Variants in RALYL observed in about 807,000 individuals in gnomAD.
RALYL encodes the protein RALY RNA binding protein like, also known as RNA-binding Raly-like protein.
In RALYL, 29 loss-of-function variants were observed where a neutral mutation model predicts 35.1. The observed-to-expected ratio is 0.83, with a 90% CI of 0.61 to 1.13. The LOEUF is 1.13. RALYL is among the 50% of genes most tolerant of loss of function. The probability of loss-of-function intolerance (pLI) is 0.00; values close to 1 mark genes in which losing one functional copy is unlikely to be tolerated. For missense variants in RALYL, 359 were observed against 360.4 expected, an observed-to-expected ratio of 1.00 and a Z score of 0.03; for synonymous variants, 120 against 127.6, an observed-to-expected ratio of 0.94 and a Z score of 0.40.
At chr8:84,574,712 G>A (rs867894029) in intron 2 of RALYL, among the ~76,000 whole-genome samples, 7 of 151,998 alleles carry the variant, frequency 4.6e-5, no homozygotes, top group Middle Eastern at 3.2e-3. Flanking sequence ...TCCTATATAT[G>A]TAGACAATGT....
At chr8:84,618,498 G>A (rs1352085403) in intron 2 of RALYL, among the ~76,000 whole-genome samples, 9 of 142,584 alleles carry the variant, frequency 6.3e-5, no homozygotes. Flanking sequence ...TTCTTTATTA[G>A]TCTTGCTAGC....
intron 2 of RALYL, among the ~76,000 whole-genome samples, chr8:84,685,779 T>C (rs1418417907): frequency 1.3e-5 from 2 of 152,176 alleles, no homozygotes. Flanking sequence ...TGTTTGTGTG[T>C]GTGTGAATAG....
At chr8:84,207,696 T>G (rs552460212) in intron 1 of RALYL, among the ~76,000 whole-genome samples, 12 of 152,130 alleles carry the variant, frequency 7.9e-5, no homozygotes, top group African/African-American at 2.9e-4. Flanking sequence ...TGAAATTTGC[T>G]AAGACAGCAG....
At chr8:84,483,031 T>C (rs1417478934) in intron 1 of RALYL, among the ~76,000 whole-genome samples, 2 of 152,130 alleles carry the variant, frequency 1.3e-5, no homozygotes, top group African/African-American at 4.8e-5. Context: ...AAGTTAATTT[T>C]GTGATTTTTT....
intron 2 of RALYL, among the ~76,000 whole-genome samples, chr8:84,595,371 A>C (rs1434469178): frequency 6.6e-6 from 1 of 152,154 alleles, no homozygotes; most frequent in Non-Finnish European, 1.5e-5. Flanking sequence ...CACAGAGTGA[A>C]TATCTCAAAG....
intron 1 of RALYL, among the ~76,000 whole-genome samples, chr8:84,508,045 C>G (rs1304307414): frequency 6.6e-6 from 1 of 152,000 alleles, no homozygotes; most frequent in Non-Finnish European, 1.5e-5. Context: ...GTTCTTTTCA[C>G]TATCATTGTA....
At chr8:84,433,843 G>GTATATA (rs34226254) in intron 1 of RALYL, among the ~76,000 whole-genome samples, 6 of 135,414 alleles carry the variant, frequency 4.4e-5, no homozygotes, top group African/African-American at 1.6e-4. Context: ...ATGTGTGTGT[G>GTATATA]TATATATATA....
chr8:84,506,738 G>T (rs2057200140), intron 1 of RALYL, among the ~76,000 whole-genome samples: 1 of 151,934 alleles, frequency 6.6e-6, no homozygotes. Flanking sequence ...TCCCTGTACT[G>T]AGTTTATTTT....
At chr8:84,627,622 C>T (rs10104232) in intron 2 of RALYL, among the ~76,000 whole-genome samples, 43,537 of 150,756 alleles carry the variant, frequency 0.29, 6,997 homozygotes, top group African/African-American at 0.43. Flanking sequence ...AGCTTCTTTT[C>T]CCCTGTCTCT....
At chr8:84,284,278 T>C (rs867297640) in intron 1 of RALYL, among the ~76,000 whole-genome samples, 2 of 152,178 alleles carry the variant, frequency 1.3e-5, no homozygotes, top group South Asian at 4.1e-4. Flanking sequence ...TTTTCCATTA[T>C]ATAGAAGGTT....
At chr8:84,240,104 T>C (rs1827541897) in intron 1 of RALYL, among the ~76,000 whole-genome samples, 1 of 152,142 alleles carries the variant, frequency 6.6e-6, no homozygotes, top group South Asian at 2.1e-4. Flanking sequence ...TTGTCACTGT[T>C]TGACAATATT....
At chr8:84,491,524 G>A (rs1011841845) in intron 1 of RALYL, among the ~76,000 whole-genome samples, 8 of 151,684 alleles carry the variant, frequency 5.3e-5, no homozygotes, top group African/African-American at 1.7e-4. Flanking sequence ...CCTTTTTCAT[G>A]CCATGTAATT....
At chr8:84,445,340 T>C (rs1054399998) in intron 1 of RALYL, among the ~76,000 whole-genome samples, 10 of 152,054 alleles carry the variant, frequency 6.6e-5, no homozygotes, top group Non-Finnish European at 1.5e-4. Context: ...CAGTATTTTT[T>C]CTTTTGTTTG....
At chr8:84,646,316 A>G (rs1053844622) in intron 2 of RALYL, among the ~76,000 whole-genome samples, 1 of 150,564 alleles carries the variant, frequency 6.6e-6, no homozygotes, top group African/African-American at 2.4e-5. Context: ...TAATTTTTTT[A>G]TTTCTTTCTT....
chr8:84,507,615 C>T (rs566345322), intron 1 of RALYL, among the ~76,000 whole-genome samples: 1 of 152,246 alleles, frequency 6.6e-6, no homozygotes, highest in South Asian at 2.1e-4. Flanking sequence ...CTCCTTGTTG[C>T]TCTGTGACAC....
intron 1 of RALYL, among the ~76,000 whole-genome samples, chr8:84,253,737 C>G (rs183893822): frequency 6.6e-6 from 1 of 152,074 alleles, no homozygotes; most frequent in African/African-American, 2.4e-5. Context: ...GGAAATCTCT[C>G]AGTTACCTCT....
At chr8:84,747,185 A>G (rs1808799636) in intron 2 of RALYL, among the ~76,000 whole-genome samples, 1 of 151,856 alleles carries the variant, frequency 6.6e-6, no homozygotes, top group Non-Finnish European at 1.5e-5. Context: ...AACAGAAGGC[A>G]TGATTGTTTT....
At chr8:84,395,479 C>T (rs1162539800) in intron 1 of RALYL, among the ~76,000 whole-genome samples, 1 of 151,840 alleles carries the variant, frequency 6.6e-6, no homozygotes, top group Admixed American at 6.6e-5. Context: ...GTAAAGAGTG[C>T]TGATTTGATT....
chr8:84,504,738 G>T (rs894726129), intron 1 of RALYL, among the ~76,000 whole-genome samples: 1 of 151,994 alleles, frequency 6.6e-6, no homozygotes, highest in African/African-American at 2.4e-5. Flanking sequence ...GATGCTCCAG[G>T]GTTTTAGACA....
Sources: gnomAD v4.1 joint callset for allele counts (sites outside exome capture counted in the v4.1 genomes callset) on GRCh38, gnomAD v4.1.1 for gene constraint, MANE v1.5 for transcripts, NCBI Gene and HGNC (gene_info 2026-07-23, HGNC 2026-07-21) for gene names.